Variants in DPP10 observed in about 807,000 individuals in gnomAD.
DPP10 encodes dipeptidyl peptidase like 10.
In DPP10, 33 loss-of-function variants were observed where a neutral mutation model predicts 120.9. The ratio of observed to expected loss-of-function variants is 0.27; its 90% CI spans 0.21 to 0.37. The LOEUF (loss-of-function observed/expected upper bound fraction) is 0.37. Among genes scored for constraint, DPP10 ranks in the 10% least tolerant of loss-of-function variants. The pLI, the probability that DPP10 is intolerant of heterozygous loss-of-function variation, is 1.00. For missense variants in DPP10, 816 were observed against 942.8 expected (o/e 0.87, Z 1.76); for synonymous variants, 337 against 326.1 (o/e 1.03, Z -0.36).
intron 1 of DPP10, among the ~76,000 whole-genome samples, chr2:114,513,258 A>C (rs10196477): frequency 0.18 from 27,154 of 152,022 alleles, 3,339 homozygotes; most frequent in African/African-American, 0.35. Context: ...CACGGTGGCT[A>C]ACGCCTGTAA....
At chr2:115,220,129 T>G (rs2057059796) in intron 1 of DPP10, among the ~76,000 whole-genome samples, 1 of 152,140 alleles carries the variant, frequency 6.6e-6, no homozygotes, top group Non-Finnish European at 1.5e-5. Context: ...ATGGGGAGAT[T>G]TAGTTGCCTG....
At chr2:114,901,366 T>A (rs1185940435) in intron 1 of DPP10, among the ~76,000 whole-genome samples, 2 of 151,984 alleles carry the variant, frequency 1.3e-5, no homozygotes, top group Non-Finnish European at 2.9e-5. Flanking sequence ...CCTGGCTAAT[T>A]TTTGTATTTT....
intron 1 of DPP10, among the ~76,000 whole-genome samples, chr2:114,533,389 A>T (rs1686205008): frequency 6.6e-6 from 1 of 152,066 alleles, no homozygotes; most frequent in Non-Finnish European, 1.5e-5. Flanking sequence ...GTCACTTCTT[A>T]AGAAAGGAAA....
intron 1 of DPP10, among the ~76,000 whole-genome samples, chr2:114,513,428 G>A (rs1255902079): frequency 1.3e-5 from 2 of 149,890 alleles, no homozygotes; most frequent in Admixed American, 1.3e-4. Context: ...GGCTGAGGCA[G>A]GAGAATTGCT....
At chr2:114,856,117 A>T (rs546830870) in intron 1 of DPP10, among the ~76,000 whole-genome samples, 1 of 152,344 alleles carries the variant, frequency 6.6e-6, no homozygotes, top group African/African-American at 2.4e-5. Flanking sequence ...ATTGCATGTA[A>T]GAAAGTATTA....
At chr2:115,291,739 T>A (rs1459494092) in intron 1 of DPP10, among the ~76,000 whole-genome samples, 1 of 152,158 alleles carries the variant, frequency 6.6e-6, no homozygotes. Context: ...TGATCTTTTG[T>A]GACGATGGAA....
chr2:114,477,857 A>G (rs1227437829), intron 1 of DPP10, among the ~76,000 whole-genome samples: 1 of 150,496 alleles, frequency 6.6e-6, no homozygotes, highest in East Asian at 1.9e-4. Context: ...ATGTATAAAT[A>G]TATGTATATA....
intron 7 of DPP10, among the ~76,000 whole-genome samples, chr2:115,727,024 AG>A (rs5833624): frequency 0.29 from 44,536 of 151,942 alleles, 6,788 homozygotes; most frequent in Middle Eastern, 0.44. Context: ...AGCAGTTTCA[AG>A]TATTTGGCAT....
At chr2:115,245,876 C>T (rs992526499) in intron 1 of DPP10, among the ~76,000 whole-genome samples, 5 of 152,010 alleles carry the variant, frequency 3.3e-5, no homozygotes, top group African/African-American at 1.2e-4. Flanking sequence ...TAAAGTTTGG[C>T]ATTAATTAAA....
chr2:114,653,456 T>C (rs1235959451), intron 1 of DPP10, among the ~76,000 whole-genome samples: 1 of 152,174 alleles, frequency 6.6e-6, no homozygotes, highest in Non-Finnish European at 1.5e-5. Flanking sequence ...TTTCTAAAAG[T>C]CACCCAGTTT....
chr2:115,504,275 C>CTTTTTTTT (rs5833604), intron 4 of DPP10, among the ~76,000 whole-genome samples: 1 of 131,616 alleles, frequency 7.6e-6, no homozygotes. Context: ...CTATTGCCAA[C>CTTTTTTTT]TTTTTTTTTT....
At chr2:114,966,802 G>T (rs1699064809) in intron 1 of DPP10, among the ~76,000 whole-genome samples, 1 of 152,206 alleles carries the variant, frequency 6.6e-6, no homozygotes, top group South Asian at 2.1e-4. Context: ...AGCACTTTGG[G>T]AGGCCATGGC....
At chr2:115,528,716 A>G (rs900459565) in intron 5 of DPP10, among the ~76,000 whole-genome samples, 1 of 152,092 alleles carries the variant, frequency 6.6e-6, no homozygotes, top group Non-Finnish European at 1.5e-5. Flanking sequence ...AGACAGAAAC[A>G]TGGATAAATC....
intron 1 of DPP10, among the ~76,000 whole-genome samples, chr2:114,612,406 C>T (rs1693353000): frequency 6.6e-6 from 1 of 152,160 alleles, no homozygotes; most frequent in African/African-American, 2.4e-5. Context: ...TAGGGCTGAA[C>T]CATTTACTCA....
intron 1 of DPP10, among the ~76,000 whole-genome samples, chr2:115,294,117 A>T (rs1489872565): frequency 2.0e-5 from 3 of 152,064 alleles, no homozygotes; most frequent in South Asian, 2.1e-4. Context: ...GGACAAACAG[A>T]TGTAGTTTGT....
chr2:114,816,606 C>T (rs969006201), intron 1 of DPP10, among the ~76,000 whole-genome samples: 1 of 152,162 alleles, frequency 6.6e-6, no homozygotes, highest in African/African-American at 2.4e-5. Flanking sequence ...TATTTATAAC[C>T]TCAATTATCT....
chr2:115,342,706 A>C (rs1468103255), intron 2 of DPP10, among the ~76,000 whole-genome samples: 1 of 152,178 alleles, frequency 6.6e-6, no homozygotes, highest in African/African-American at 2.4e-5. Context: ...TCATCACCTA[A>C]CAGCATTTCG....
intron 4 of DPP10, among the ~76,000 whole-genome samples, chr2:115,525,016 C>G (rs1487232916): frequency 6.6e-6 from 1 of 152,084 alleles, no homozygotes; most frequent in Non-Finnish European, 1.5e-5. Flanking sequence ...TCTGACTTTA[C>G]ACTTTTCTGG....
At chr2:114,566,417 G>T (rs1689206606) in intron 1 of DPP10, among the ~76,000 whole-genome samples, 1 of 152,204 alleles carries the variant, frequency 6.6e-6, no homozygotes, top group East Asian at 1.9e-4. Context: ...CAAAGAGAGT[G>T]CAGAGAGTTC....
Sources: allele counts gnomAD v4.1 joint callset (sites outside exome capture counted in the v4.1 genomes callset), GRCh38; gene constraint gnomAD v4.1.1; transcripts MANE v1.5; gene names NCBI Gene and HGNC (gene_info 2026-07-23, HGNC 2026-07-21).